PCDHGA12: variants seen among roughly 807,000 people sequenced by gnomAD.
The protein encoded by PCDHGA12 is protocadherin gamma-A12.
Under a neutral mutation model 61.1 loss-of-function variants are expected in PCDHGA12, and 43 were observed. The ratio of observed to expected loss-of-function variants is 0.70; its 90% CI spans 0.55 to 0.91. PCDHGA12 has a LOEUF of 0.91. Among genes scored for constraint, PCDHGA12 ranks in the 40% least tolerant of loss-of-function variants. PCDHGA12 has a pLI of 0.00. For synonymous variants in PCDHGA12, 520 were observed against 542.9 expected (o/e 0.96, Z 0.59); for missense variants, 1,236 against 1,227.7 (o/e 1.01, Z -0.10).
rs747671382 is a variant in PCDHGA12 at position 141,444,152 on chromosome 5, A to ATTTTTTT, written c.2424+10999_2424+11005dup. On this transcript the variant is annotated intron_variant, in intron 1 of 3. Coordinates refer to ENST00000252085, the MANE Select transcript of PCDHGA12 (RefSeq NM_003735.3). ...GATATGTGTCACTTGTGTGTACTGG[A>ATTTTTTT]TTTTTTTTTTTTTTTTTTTTTTTTT... Among the ~76,000 whole-genome samples, 8 of 33,896 alleles carry ATTTTTTT rather than the reference A, an allele frequency of 2.4e-4. 2 individuals are homozygous for ATTTTTTT. The highest frequency in any genetic ancestry group is 2.1e-3 in the South Asian group (2 of 962). 22.2% of individuals were successfully genotyped at this position (33,896 alleles called of 152,430 possible).
chr5:141,464,394 G>A (rs1277856342), intron 1 of PCDHGA12, among the ~76,000 whole-genome samples: 1 of 150,654 alleles, frequency 6.6e-6, no homozygotes. Context: ...TGCTAATGAA[G>A]AACCTGAGAT....
intron 1 of PCDHGA12, among the ~76,000 whole-genome samples, chr5:141,494,341 G>C (rs565090556): frequency 9.2e-5 from 14 of 152,352 alleles, no homozygotes; most frequent in Admixed American, 9.1e-4. Context: ...ACCAAGAACA[G>C]CAGCCATCTT....
rs2099641960 is a variant in PCDHGA12 at position 141,487,259 on chromosome 5, T to C, written c.2425-7548T>C. On this transcript the variant is annotated intron_variant, in intron 1 of 3. Coordinates refer to ENST00000252085, the MANE Select transcript of PCDHGA12 (RefSeq NM_003735.3). This position sits in a 1 kb window ranked among gnomAD's most constrained non-coding sequence, Gnocchi z 5.0. ...TCGTCTAACCCTCTACTTGGCTGTG[T>C]CCCTAGTGGCAATTTGCTTTGTCTC... 6.2e-7 allele frequency: 1 copy of C among 1,614,132 alleles called. No homozygotes were observed. Among genetic ancestry groups the C allele is most frequent in the Non-Finnish European group, 8.5e-7 (1 of 1,180,012 alleles).
At position 141,491,682 on chromosome 5, in the gene PCDHGA12, G is replaced by A. The variant is rs11952292; in HGVS notation, c.2425-3125G>A. The A allele has an allele frequency of 1.9e-6, 3 of 1,613,150 alleles. No individual in the cohort carries two copies. Among genetic ancestry groups the A allele is most frequent in the South Asian group, 1.1e-5 (1 of 91,046 alleles). On this transcript the variant is annotated intron_variant, in intron 1 of 3. Coordinates refer to ENST00000252085, the MANE Select transcript of PCDHGA12 (RefSeq NM_003735.3). The surrounding 1 kb of genome is among the most constrained non-coding windows in gnomAD (Gnocchi z 6.9). Reference sequence around the variant, plus strand: ...ACGCCATCCGGTCCCGCTCTAATACGCTGCGGGAGCGGAGCCAGGTGAGGG... The same window carrying A: ...ACGCCATCCGGTCCCGCTCTAATACACTGCGGGAGCGGAGCCAGGTGAGGG...
At position 141,485,348 on chromosome 5, in the gene PCDHGA12, C is replaced by A; in HGVS notation, c.2425-9459C>A. ...AGATTTCCTGCTGGATACGGACAGT[C>A]TGTCAGCTCGCAGGCTGCAGGTCGC... On this transcript the variant is annotated intron_variant, in intron 1 of 3. Coordinates refer to ENST00000252085, the MANE Select transcript of PCDHGA12 (RefSeq NM_003735.3). This position sits in a 1 kb window ranked among gnomAD's most constrained non-coding sequence, Gnocchi z 5.7. 6.2e-7 allele frequency: 1 copy of A among 1,614,146 alleles called. No individual in the cohort carries two copies. Among genetic ancestry groups the A allele is most frequent in the Non-Finnish European group, 8.5e-7 (1 of 1,180,008 alleles).
At chr5:141,464,556 G>A (rs1158827360) in intron 1 of PCDHGA12, among the ~76,000 whole-genome samples, 4 of 151,990 alleles carry the variant, frequency 2.6e-5, no homozygotes, top group Admixed American at 6.6e-5. Flanking sequence ...TCCCCATCTT[G>A]CATTCCTACA....
intron 2 of PCDHGA12, 37 bp downstream of exon 2, chr5:141,494,902 C>T (rs2099757367): frequency 1.9e-6 from 3 of 1,614,024 alleles, no homozygotes; most frequent in Non-Finnish European, 2.5e-6. Flanking sequence ...CTCTTCTCTG[C>T]GGCATTTTCT....
intron 1 of PCDHGA12, among the ~76,000 whole-genome samples, chr5:141,479,846 C>A (rs1350909064): frequency 1.3e-5 from 2 of 152,194 alleles, no homozygotes; most frequent in Admixed American, 6.5e-5. Context: ...TGCAAGGTGA[C>A]TGCAAGGCCT....
chr5:141,495,107 A>G (rs559621284), intron 2 of PCDHGA12, among the ~76,000 whole-genome samples: 1 of 152,166 alleles, frequency 6.6e-6, no homozygotes, highest in East Asian at 1.9e-4. Flanking sequence ...CACGACCGGC[A>G]CCTTTTCCTA....
rs1461617825 is a variant in PCDHGA12, at chr5:141,431,902, G to A, written c.1143G>A (p.Gln381=). The change falls in exon 1 of 4, where the codon CAG becomes CAA. Residue 381 remains glutamine, a synonymous_variant. Coordinates refer to ENST00000252085, the MANE Select transcript of PCDHGA12 (RefSeq NM_003735.3). This position sits in a 1 kb window ranked among gnomAD's most constrained non-coding sequence, Gnocchi z 4.8. ...VNDQDSEENG[Q]VICFIQGNLP... ...ACCAAGATTCTGAGGAAAACGGACA[G>A]GTGATCTGTTTCATCCAAGGAAATC... 1.2e-6 allele frequency: 2 copies of A among 1,613,764 alleles called. No homozygotes were observed. The highest frequency in any genetic ancestry group is 1.3e-5 in the African/African-American group (1 of 74,918).
intron 1 of PCDHGA12, chr5:141,441,955 A>G: frequency 3.1e-6 from 1 of 320,028 alleles, no homozygotes; most frequent in Non-Finnish European, 6.0e-6. Context: ...GCAGGCCAGC[A>G]AGCCCAGGCT....
intron 2 of PCDHGA12, among the ~76,000 whole-genome samples, chr5:141,498,112 AG>A (rs947089103): frequency 2.0e-5 from 3 of 152,232 alleles, no homozygotes; most frequent in African/African-American, 7.2e-5. Flanking sequence ...GGCGTATAAT[AG>A]GGATTTGATT....
intron 2 of PCDHGA12, among the ~76,000 whole-genome samples, chr5:141,497,905 C>T (rs1052659134): frequency 6.6e-6 from 1 of 152,178 alleles, no homozygotes; most frequent in Non-Finnish European, 1.5e-5. Context: ...GTAACTTCAA[C>T]TTCTCTCCTT....
intron 3 of PCDHGA12, among the ~76,000 whole-genome samples, chr5:141,510,591 A>G (rs1050708244): frequency 6.6e-6 from 1 of 152,176 alleles, no homozygotes; most frequent in Non-Finnish European, 1.5e-5. Flanking sequence ...TACCTGACAT[A>G]CATTTTCTTA....
At chr5:141,508,662 T>G (rs2099870759) in intron 3 of PCDHGA12, among the ~76,000 whole-genome samples, 1 of 152,122 alleles carries the variant, frequency 6.6e-6, no homozygotes, top group Non-Finnish European at 1.5e-5. Context: ...CCTGTCATTC[T>G]GTCTCTGCCT....
intron 1 of PCDHGA12, among the ~76,000 whole-genome samples, chr5:141,437,976 T>G (rs1182220385): frequency 1.3e-5 from 2 of 152,096 alleles, no homozygotes; most frequent in Non-Finnish European, 2.9e-5. Flanking sequence ...GATCTTGGGA[T>G]GCACCCACCC....
intron 2 of PCDHGA12, among the ~76,000 whole-genome samples, chr5:141,500,182 A>T (rs1050067271): frequency 4.6e-5 from 6 of 131,718 alleles, no homozygotes; most frequent in African/African-American, 1.9e-4. Context: ...CTTCATTTTT[A>T]TTTTTATTTA....
At chr5:141,480,240 CAA>C (rs11374694) in intron 1 of PCDHGA12, among the ~76,000 whole-genome samples, 8 of 114,006 alleles carry the variant, frequency 7.0e-5, no homozygotes, top group Non-Finnish European at 7.5e-5. Flanking sequence ...CCTGTCTCTA[CAA>C]AAAAAAAAAA....
At position 141,486,055 on chromosome 5, in the gene PCDHGA12, C is replaced by T; in HGVS notation, c.2425-8752C>T. 6.2e-7 allele frequency: 1 copy of T among 1,614,170 alleles called. No individual in the cohort carries two copies. ...CTGATCGTGTAAGAAACCTCTTTAG[C>T]CTGCACCCCACTACTGGAAAGCTTA... On this transcript the variant is annotated intron_variant, in intron 1 of 3. Transcript: ENST00000252085. The surrounding 1 kb of genome is among the most constrained non-coding windows in gnomAD (Gnocchi z 5.0).
Sources: allele counts gnomAD v4.1 joint callset (sites outside exome capture counted in the v4.1 genomes callset), GRCh38; gene constraint gnomAD v4.1.1; non-coding constraint Gnocchi (gnomAD v3.1); transcripts MANE v1.5; gene names NCBI Gene and HGNC (gene_info 2026-07-23, HGNC 2026-07-21).